Variants in PARP15 observed in about 807,000 individuals in gnomAD.
PARP15 encodes the protein poly(ADP-ribose) polymerase family member 15.
PARP15 carries 50 observed loss-of-function variants against 62.1 expected under a neutral mutation model. The ratio of observed to expected loss-of-function variants is 0.81; its 90% CI spans 0.64 to 1.02. The LOEUF is 1.02. PARP15 is among the 50% of genes least tolerant of loss of function. The pLI is 0.00. For synonymous variants in PARP15, 309 were observed against 293.1 expected (o/e 1.05, Z -0.55); for missense variants, 820 against 826.5 (o/e 0.99, Z 0.10).
At chr3:122,633,327 A>T (rs1341262905) in intron 10 of PARP15, among the ~76,000 whole-genome samples, 3 of 152,178 alleles carry the variant, frequency 2.0e-5, no homozygotes, top group Non-Finnish European at 4.4e-5. Flanking sequence ...GAGAAAGGGG[A>T]GCCAGGAGAT....
At chr3:122,595,309 C>A (rs949379647) in intron 1 of PARP15, among the ~76,000 whole-genome samples, 6 of 150,150 alleles carry the variant, frequency 4.0e-5, no homozygotes, top group South Asian at 4.3e-4. Flanking sequence ...CCTCTCCCCC[C>A]ATTCTTTCTT....
chr3:122,636,380 T>C lies in PARP15; in HGVS notation c.*280T>C. On this transcript the variant is annotated 3_prime_UTR_variant, in exon 12 of 12. Coordinates refer to ENST00000464300, the MANE Select transcript of PARP15 (RefSeq NM_001113523.3). ...TAGGAGAATAAAAAGCACATTATTC[T>C]TTTTCTATCAGAAAAAAACAAGATG... 1 of 353,884 alleles carries C rather than the reference T, an allele frequency of 2.8e-6. No individual in the cohort carries two copies. Among genetic ancestry groups the C allele is most frequent in the Non-Finnish European group, 5.2e-6 (1 of 192,440 alleles). The allele number at this position is 353,884 out of a possible 1,614,324, so 21.9% of individuals were successfully genotyped here.
chr3:122,617,479 T>C (rs1158738888), intron 6 of PARP15, among the ~76,000 whole-genome samples: 1 of 152,216 alleles, frequency 6.6e-6, no homozygotes, highest in East Asian at 1.9e-4. Flanking sequence ...CTCTCAACTG[T>C]TGAATTTCCA....
intron 8 of PARP15, among the ~76,000 whole-genome samples, chr3:122,622,567 C>A (rs1047007327): frequency 6.6e-6 from 1 of 152,206 alleles, no homozygotes; most frequent in African/African-American, 2.4e-5. Context: ...TCCCAGCCGG[C>A]TCCTCATTTG....
intron 1 of PARP15, among the ~76,000 whole-genome samples, chr3:122,593,864 C>A (rs1166582734): frequency 6.6e-6 from 1 of 152,134 alleles, no homozygotes; most frequent in Non-Finnish European, 1.5e-5. Flanking sequence ...TGTGCTCTTT[C>A]TAACACTCAG....
chr3:122,624,879 C>T (rs905618696), intron 8 of PARP15, among the ~76,000 whole-genome samples: 1 of 152,086 alleles, frequency 6.6e-6, no homozygotes, highest in Non-Finnish European at 1.5e-5. Context: ...ATTTCAAAAC[C>T]TGGATCCATC....
In PARP15 at chr3:122,615,851, A is replaced by G. The variant is rs779240486; in HGVS notation, c.844A>G (p.Thr282Ala). 1 of 1,612,102 alleles carries G rather than the reference A, an allele frequency of 6.2e-7. No homozygotes were observed. Among genetic ancestry groups the G allele is most frequent in the Non-Finnish European group, 8.5e-7 (1 of 1,178,508 alleles). Residue 282 changes from threonine to alanine, a missense_variant, in exon 5 of 12, where the codon ACC becomes GCC. Around this residue, in one of 3 missense-constraint regions of PARP15, gnomAD observed 731 missense variants for 727.7 expected, o/e 1.00. Transcript: ENST00000464300. ...GGCCAGGATTCCCATGGCAGGAGAT[A>G]CCCAAGGTCTGGTAAAGTCGTTCTG... ...NKARIPMAGD[T>A]QGVVGTVSKP...
chr3:122,635,182 G>A lies in PARP15; in HGVS notation c.1735G>A (p.Ala579Thr). 1 of 1,612,872 alleles carries A rather than the reference G, an allele frequency of 6.2e-7. No homozygotes were observed. The highest frequency in any genetic ancestry group is 8.5e-7 in the Non-Finnish European group (1 of 1,179,644). Residue 579 changes from alanine (A) to threonine (T), a missense_variant, in exon 11 of 12, where the codon GCT becomes ACT. By Grantham distance (58) the Ala-to-Thr change is moderately conservative. Transcript: ENST00000464300. ...VNQHGFNRSC[A>T]GKNAVSYGKG... ...TCAGCACGGCTTTAATAGAAGTTGT[G>A]CTGGGAAAAATGGTAAGGAAGCAAG...
chr3:122,577,720 C>G lies in PARP15; in HGVS notation c.53C>G (p.Thr18Ser). The G allele has an allele frequency of 6.4e-7, 1 of 1,551,696 alleles. No individual in the cohort carries two copies. Among genetic ancestry groups the G allele is most frequent in the Non-Finnish European group, 8.7e-7 (1 of 1,146,976 alleles). The change falls in exon 1 of 12, where the codon ACC (threonine) becomes AGC (serine). Residue 18 changes from threonine to serine, a missense_variant. Thr to Ser is a moderately conservative substitution (Grantham distance 58). Coordinates refer to ENST00000464300, the MANE Select transcript of PARP15 (RefSeq NM_001113523.3). ...GCTGCTCTGAGTCCAGGGGCTCCGACCCCCAGAGAACTTATGCACGGAGTT... is the reference window on the plus strand; with the variant it reads ...GCTGCTCTGAGTCCAGGGGCTCCGAGCCCCAGAGAACTTATGCACGGAGTT... ...PAAALSPGAP[T>S]PRELMHGVAG... is the part of the protein sequence containing the mutation.
intron 11 of PARP15, 66 bp from the exon 12 acceptor site, chr3:122,635,745 T>G: frequency 6.6e-7 from 1 of 1,507,830 alleles, no homozygotes; most frequent in Non-Finnish European, 8.9e-7. Context: ...TTTGTCAGAT[T>G]GGGCATGGTT....
chr3:122,606,599 C>T (rs566591184), intron 2 of PARP15, among the ~76,000 whole-genome samples: 15 of 152,278 alleles, frequency 9.9e-5, no homozygotes, highest in Admixed American at 7.8e-4. Context: ...CCCTATATTC[C>T]TCCTATAGTT....
intron 8 of PARP15, among the ~76,000 whole-genome samples, chr3:122,623,500 A>G (rs1484741715): frequency 2.0e-5 from 3 of 152,246 alleles, no homozygotes; most frequent in Non-Finnish European, 2.9e-5. Context: ...GGCTGAGACC[A>G]GAACAGTGAG....
chr3:122,588,441 T>C (rs890786401), intron 1 of PARP15, among the ~76,000 whole-genome samples: 2 of 152,178 alleles, frequency 1.3e-5, no homozygotes, highest in Non-Finnish European at 2.9e-5. Flanking sequence ...ATTCACTCTT[T>C]AAAAGTGTGC....
At chr3:122,624,662 TC>T in intron 8 of PARP15, among the ~76,000 whole-genome samples, 1 of 152,218 alleles carries the variant, frequency 6.6e-6, no homozygotes, top group South Asian at 2.1e-4. Flanking sequence ...GACCACTGTT[TC>T]CCCCACTTTG....
At chr3:122,616,382 T>A (rs564892753) in intron 5 of PARP15, among the ~76,000 whole-genome samples, 2 of 143,708 alleles carry the variant, frequency 1.4e-5, no homozygotes, top group Admixed American at 1.5e-4. Flanking sequence ...CAGGATGGAG[T>A]GCAGTGGCGT....
rs761455832 is a variant in PARP15, at chr3:122,615,777, A to G, written c.772-2A>G. 2.2e-5 allele frequency: 35 copies of G among 1,612,222 alleles called. No individual in the cohort carries two copies. The Middle Eastern group carries it at 5.0e-3, about 228-fold the overall frequency. ...GTAGTCAGTAACTGTTTCTATTTCC[A>G]GGCATTTTTAGATGAATTCACTAAC... On this transcript the variant is annotated splice_acceptor_variant, in intron 4 of 11. Transcript: ENST00000464300. LOFTEE classifies it high-confidence loss of function.
intron 10 of PARP15, 74 bp downstream of exon 10, chr3:122,632,293 A>G: frequency 1.4e-6 from 2 of 1,381,178 alleles, no homozygotes; most frequent in Non-Finnish European, 2.0e-6. Context: ...TTTAAATAAC[A>G]CCCTTCCTTC....
rs1471555573 is a variant in PARP15, at chr3:122,635,978, A to T, written c.1915A>T (p.Asn639Tyr). ...AGGATTAGTCACCCCTCCACCCAAG[A>T]ATCCTCACAATCCCACAGATCTCTT... ...RAGLVTPPPK[N>Y]PHNPTDLFDS... The change falls in exon 12 of 12, where the codon AAT becomes TAT. Residue 639 changes from asparagine (N) to tyrosine (Y), a missense_variant. Physicochemically the swap from Asn to Tyr is moderately radical, Grantham distance 143 (BLOSUM62 -2). This residue lies in a region of PARP15 where 84 missense variants were observed against 79.7 expected (regional missense o/e 1.05). Transcript: ENST00000464300. The T allele has an allele frequency of 1.2e-6, 2 of 1,614,136 alleles. No homozygotes were observed. The highest frequency in any genetic ancestry group is 1.7e-6 in the Non-Finnish European group (2 of 1,180,012).
intron 5 of PARP15, 67 bp from the exon 6 acceptor site, chr3:122,616,948 C>T: frequency 6.5e-7 from 1 of 1,547,502 alleles, no homozygotes; most frequent in Non-Finnish European, 8.8e-7. Context: ...GAATAGGGCC[C>T]CAAGATGAGT....
Sources: gnomAD v4.1 joint callset for allele counts (sites outside exome capture counted in the v4.1 genomes callset) on GRCh38, gnomAD v4.1.1 for gene constraint, gnomAD v4.1.1 regional missense constraint, MANE v1.5 for transcripts, NCBI Gene and HGNC (gene_info 2026-07-23, HGNC 2026-07-21) for gene names.